The following METTL6 variants were observed in gnomAD, a reference collection of about 807,000 sequenced individuals.
METTL6 encodes methyltransferase 6, tRNA N3-cytidine, also known as tRNA N(3)-cytidine methyltransferase METTL6.
In METTL6, 22 loss-of-function variants were observed where a neutral mutation model predicts 26.4. The ratio of observed to expected loss-of-function variants is 0.83; its 90% CI spans 0.59 to 1.19. METTL6 has a LOEUF of 1.19. Among genes scored for constraint, METTL6 ranks in the 50% most tolerant of loss-of-function variants. The probability of loss-of-function intolerance (pLI) is 0.00; values close to 1 mark genes in which losing one functional copy is unlikely to be tolerated. For synonymous variants in METTL6, 109 were observed against 116.2 expected (o/e 0.94, Z 0.40); for missense variants, 304 against 324.8 (o/e 0.94, Z 0.49).
At chr3:15,394,728 T>C (rs1478185060) in intron 6 of METTL6, among the ~76,000 whole-genome samples, 10 of 152,266 alleles carry the variant, frequency 6.6e-5, no homozygotes, top group Non-Finnish European at 1.5e-4. Flanking sequence ...AAAGAACATC[T>C]TTATTTCTGC....
At chr3:15,388,074 T>C (rs1699244602) in intron 6 of METTL6, among the ~76,000 whole-genome samples, 1 of 148,880 alleles carries the variant, frequency 6.7e-6, no homozygotes, top group Non-Finnish European at 1.5e-5. Context: ...TCCCTCAGTA[T>C]TTGGAAATAA....
chr3:15,395,467 G>T (rs1173434954), intron 6 of METTL6, among the ~76,000 whole-genome samples: 9 of 151,862 alleles, frequency 5.9e-5, no homozygotes, highest in Admixed American at 5.9e-4. Context: ...TGCCACTCTG[G>T]GTCTTTTAAT....
At position 15,411,422 on chromosome 3, in the gene METTL6, A is replaced by C; in HGVS notation, c.689T>G (p.Leu230Arg). 6.2e-7 allele frequency: 1 copy of C among 1,613,672 alleles called. No individual in the cohort carries two copies. The highest frequency in any genetic ancestry group is 1.1e-5 in the South Asian group (1 of 91,026). ...TTCTTCATAACCTGTGTCCATAAAGAGCTGAGCCAGGAAGTCTGTAAGACA... is the reference window on the plus strand; with the variant it reads ...TTCTTCATAACCTGTGTCCATAAAGCGCTGAGCCAGGAAGTCTGTAAGACA... ...YFFTDDFLAQ[L>R]FMDTGYEEVV... Residue 230 changes from leucine (L) to arginine (R), a missense_variant, in exon 6 of 6, where the codon CTC becomes CGC. By Grantham distance (102) the Leu-to-Arg change is moderately radical. Transcript: ENST00000383790.
At chr3:15,408,961 G>A (rs903502742), downstream of METTL6, among the ~76,000 whole-genome samples, 1 of 152,090 alleles carries the variant, frequency 6.6e-6, no homozygotes, top group African/African-American at 2.4e-5. Flanking sequence ...AGGGGGCTTT[G>A]GGAGACAGCA....
At position 15,411,072 on chromosome 3, in the gene METTL6, T is replaced by C; in HGVS notation, c.*184A>G. 2 of 563,332 alleles carry C rather than the reference T, an allele frequency of 3.6e-6. No homozygotes were observed. Among genetic ancestry groups the C allele is most frequent in the Non-Finnish European group, 5.9e-6 (2 of 336,500 alleles). The allele number at this position is 563,332 out of a possible 1,614,324, so 34.9% of individuals were successfully genotyped here. On this transcript the variant is annotated 3_prime_UTR_variant, in exon 6 of 6. Coordinates refer to ENST00000383790, the MANE Select transcript of METTL6 (RefSeq NM_152396.4). ...TATGCCCAGCTAATTTTTTTGTATT[T>C]TTAGTAGAGATGGGGTCTCACCATG... is the stretch of plus-strand genomic sequence containing the variant.
chr3:15,418,276 A>C (rs77286028), intron 3 of METTL6, among the ~76,000 whole-genome samples: 15,011 of 152,256 alleles, frequency 0.099, 1,171 homozygotes, highest in African/African-American at 0.22. Context: ...AATTATGATT[A>C]AAATGCTAAA....
At position 15,424,914 on chromosome 3, in the gene METTL6, G is replaced by C. The variant is rs751653043; in HGVS notation, c.360+41C>G. ...AAGGCAGATCAAACAAGATCGGCAA[G>C]AAAACAGAAACACAGCAGAATACAT... On this transcript the variant is annotated intron_variant, in intron 3 of 5. Coordinates refer to ENST00000383790, the MANE Select transcript of METTL6 (RefSeq NM_152396.4). The C allele has an allele frequency of 1.9e-6, 3 of 1,609,836 alleles. No homozygotes were observed. In the East Asian group the frequency reaches 6.7e-5, roughly 36 times the overall value.
chr3:15,393,152 T>C (rs1031316678), intron 6 of METTL6, among the ~76,000 whole-genome samples: 1 of 152,246 alleles, frequency 6.6e-6, no homozygotes, highest in African/African-American at 2.4e-5. Context: ...TTCCATTTGT[T>C]TGTATCCTCT....
chr3:15,381,939 T>C (rs1699089890), exon 7 of METTL6: 1 of 152,148 alleles, frequency 6.6e-6, no homozygotes, highest in Non-Finnish European at 1.5e-5. Context: ...ATCCATAATA[T>C]GGGATACAAG....
rs1366030357 is a variant in METTL6, at chr3:15,411,414, C to T, written c.697G>A (p.Asp233Asn). 2.5e-6 allele frequency: 4 copies of T among 1,613,778 alleles called. No homozygotes were observed. The highest frequency in any genetic ancestry group is 2.5e-6 in the Non-Finnish European group (3 of 1,179,930). ...TTTACCACTTCTTCATAACCTGTGT[C>T]CATAAAGAGCTGAGCCAGGAAGTCT... ...TDDFLAQLFM[D>N]TGYEEVVNEY... Residue 233 changes from aspartate (D) to asparagine (N), a missense_variant, in exon 6 of 6, where the codon GAC becomes AAC. Asp to Asn is a conservative substitution (Grantham distance 23). Coordinates refer to ENST00000383790, the MANE Select transcript of METTL6 (RefSeq NM_152396.4).
At chr3:15,409,439 A>G (rs547930585), downstream of METTL6, among the ~76,000 whole-genome samples, 11 of 152,368 alleles carry the variant, frequency 7.2e-5, no homozygotes, top group South Asian at 1.0e-3. Context: ...TGATTGGGAA[A>G]GAGGTCAGCA....
At chr3:15,401,777 T>C (rs1354787564) in intron 6 of METTL6, among the ~76,000 whole-genome samples, 1 of 152,092 alleles carries the variant, frequency 6.6e-6, no homozygotes, top group Non-Finnish European at 1.5e-5. Context: ...CCCTATATGG[T>C]CTTAAGTGGG....
At chr3:15,414,357 CTTTTT>C (rs72324883) in intron 4 of METTL6, 195 bp from the exon 5 acceptor site, 68 of 1,118,668 alleles carry the variant, frequency 6.1e-5, no homozygotes, top group East Asian at 2.5e-4. Flanking sequence ...TAAGACACTT[CTTTTT>C]TTTTTTTTTT....
chr3:15,405,742 A>G (rs763281201), downstream of METTL6, among the ~76,000 whole-genome samples: 15 of 152,196 alleles, frequency 9.9e-5, no homozygotes, highest in Non-Finnish European at 1.9e-4. Context: ...CTTTCTGGAG[A>G]AATACAAAAT....
At chr3:15,389,958 T>A (rs1055119308) in intron 6 of METTL6, among the ~76,000 whole-genome samples, 1 of 148,896 alleles carries the variant, frequency 6.7e-6, no homozygotes, top group Non-Finnish European at 1.5e-5. Context: ...GCTCAAGGGA[T>A]CCTCCCAAGG....
At chr3:15,408,332 T>C (rs554000158), downstream of METTL6, among the ~76,000 whole-genome samples, 3 of 152,278 alleles carry the variant, frequency 2.0e-5, no homozygotes, top group Admixed American at 6.5e-5. Context: ...CTTTTCTGTA[T>C]GTATGTTAAG....
intron 5 of METTL6, 130 bp downstream of exon 5, chr3:15,413,891 G>C (rs1700075947): frequency 1.9e-6 from 3 of 1,540,558 alleles, no homozygotes; most frequent in Non-Finnish European, 1.7e-6. Flanking sequence ...ATATTGTGCA[G>C]TAGAGGGCTT....
At chr3:15,394,345 C>T (rs1231266716) in intron 6 of METTL6, among the ~76,000 whole-genome samples, 1 of 152,086 alleles carries the variant, frequency 6.6e-6, no homozygotes, top group African/African-American at 2.4e-5. Flanking sequence ...GTGGTGATAT[C>T]CCCTTTATCA....
At chr3:15,425,973 G>A (rs558701262) in intron 2 of METTL6, among the ~76,000 whole-genome samples, 34 of 152,024 alleles carry the variant, frequency 2.2e-4, no homozygotes, top group African/African-American at 7.0e-4. Flanking sequence ...ACAGAGTCTC[G>A]TTCTGTCACC....
Sources: allele counts gnomAD v4.1 joint callset (sites outside exome capture counted in the v4.1 genomes callset), GRCh38; gene constraint gnomAD v4.1.1; transcripts MANE v1.5; gene names NCBI Gene and HGNC (gene_info 2026-07-23, HGNC 2026-07-21).